The following CRTAC1 variants were observed in gnomAD, a reference collection of about 807,000 sequenced individuals.
CRTAC1 encodes cartilage acidic protein 1, also known as acidic secreted protein in cartilage.
A neutral mutation model predicts 67.8 loss-of-function variants in CRTAC1; 37 were observed. The observed-to-expected ratio is 0.55, with a 90% CI of 0.42 to 0.72. The LOEUF is 0.72. Ranked by LOEUF, CRTAC1 falls within the 30% of genes least tolerant of loss-of-function variation. The pLI is 0.00. For synonymous variants in CRTAC1, 348 were observed against 371.0 expected (o/e 0.94, Z 0.71); for missense variants, 780 against 931.6 (o/e 0.84, Z 2.12).
chr10:97,908,016 C>G lies in CRTAC1; in HGVS notation c.847G>C (p.Ala283Pro). The change falls in exon 6 of 15, where the codon GCT becomes CCT. Residue 283 changes from alanine to proline, a missense_variant. Coordinates refer to ENST00000370597, the MANE Select transcript of CRTAC1 (RefSeq NM_018058.7). ...GGGCATGGCTGCCTCCACTCACCAG[C>G]ACTGGCCGCAGCGTCCACAAAGGTG... ...DGTFVDAAAS[A>P]GVDDPHQHGR... The G allele has an allele frequency of 6.2e-7, 1 of 1,614,090 alleles. No individual in the cohort carries two copies. Among genetic ancestry groups the G allele is most frequent in the South Asian group, 1.1e-5 (1 of 91,068 alleles).
rs2136556770 is a variant in CRTAC1, at chr10:97,895,376, G to A, written c.1355C>T (p.Thr452Ile). The A allele has an allele frequency of 6.2e-7, 1 of 1,612,536 alleles. No individual in the cohort carries two copies. The highest frequency in any genetic ancestry group is 8.5e-7 in the Non-Finnish European group (1 of 1,179,440). ...NNNWLRVVPR[T>I]RFGAFARGAK... ...TCCCCTGGCAAAGGCCCCAAACCGG[G>A]TGCGTGGCACCACTCGCAGCCAGTT... The change falls in exon 11 of 15, where the codon ACC (threonine) becomes ATC (isoleucine). Residue 452 changes from threonine (T) to isoleucine (I), a missense_variant. Coordinates refer to ENST00000370597, the MANE Select transcript of CRTAC1 (RefSeq NM_018058.7). This position sits in a 1 kb window ranked among gnomAD's most constrained non-coding sequence, Gnocchi z 4.2.
chr10:98,011,531 T>C (rs1201054820), intron 1 of CRTAC1, among the ~76,000 whole-genome samples, 194 bp from the exon 2 acceptor site: 1 of 143,438 alleles, frequency 7.0e-6, no homozygotes, highest in Non-Finnish European at 1.5e-5. Flanking sequence ...AACTGCAACC[T>C]GACTCCATCA....
intron 7 of CRTAC1, among the ~76,000 whole-genome samples, chr10:97,902,580 G>A (rs2050556842): frequency 6.6e-6 from 1 of 152,156 alleles, no homozygotes; most frequent in Admixed American, 6.5e-5. Flanking sequence ...AATAGAAGGA[G>A]AGCTGGGAAG....
At chr10:97,953,363 CT>C (rs2051390873) in intron 2 of CRTAC1, among the ~76,000 whole-genome samples, 2 of 152,112 alleles carry the variant, frequency 1.3e-5, no homozygotes, top group Admixed American at 1.3e-4. Flanking sequence ...CAGCCAGTAT[CT>C]TTTGAAATTC....
chr10:97,888,331 T>C (rs1360973964), intron 11 of CRTAC1, among the ~76,000 whole-genome samples: 1 of 151,980 alleles, frequency 6.6e-6, no homozygotes. Context: ...GAGTAAGAGT[T>C]TGTGAGGCGG....
At chr10:97,883,957 T>G (rs2050247213) in intron 12 of CRTAC1, among the ~76,000 whole-genome samples, 1 of 152,224 alleles carries the variant, frequency 6.6e-6, no homozygotes, top group Non-Finnish European at 1.5e-5. Flanking sequence ...GTTTTCTTCC[T>G]CTGTAAAATG....
In CRTAC1 at chr10:97,950,260, G is replaced by A. The variant is rs1398206435; in HGVS notation, c.225-13894C>T. On this transcript the variant is annotated intron_variant, in intron 2 of 14. Transcript: ENST00000370597. ...ACACACACACACAGAGAGAGAGAGA[G>A]AGAGAGAGAGAGAGAGAGAGAGAGA... Among the ~76,000 whole-genome samples, 5 of 151,074 alleles carry A rather than the reference G, an allele frequency of 3.3e-5. No homozygotes were observed. In the East Asian group the frequency reaches 7.8e-4, roughly 23 times the overall value.
At chr10:97,959,719 C>T (rs2051494750) in intron 2 of CRTAC1, among the ~76,000 whole-genome samples, 1 of 152,232 alleles carries the variant, frequency 6.6e-6, no homozygotes. Flanking sequence ...GTCCAGCCCA[C>T]TGCCACTGGA....
At chr10:98,021,528 C>T (rs544232442) in intron 1 of CRTAC1, among the ~76,000 whole-genome samples, 1 of 152,332 alleles carries the variant, frequency 6.6e-6, no homozygotes, top group African/African-American at 2.4e-5. Context: ...GTACTATTAA[C>T]TGCTCAGACT....
At chr10:97,882,328 C>T (rs748312987) in intron 13 of CRTAC1, among the ~76,000 whole-genome samples, 1 of 152,204 alleles carries the variant, frequency 6.6e-6, no homozygotes, top group Non-Finnish European at 1.5e-5. Context: ...TACCTGCCTG[C>T]CCCAGTACTG....
Position 97,884,269 on chromosome 10 carries a change from G to A in CRTAC1, c.1569C>T (p.Asn523=). 3 of 1,562,078 alleles carry A rather than the reference G, an allele frequency of 1.9e-6. No individual in the cohort carries two copies. Among genetic ancestry groups the A allele is most frequent in the Non-Finnish European group, 2.6e-6 (3 of 1,152,238 alleles). Residue 523 remains asparagine (N), a synonymous_variant, in exon 12 of 15, where the codon AAC becomes AAT. Coordinates refer to ENST00000370597, the MANE Select transcript of CRTAC1 (RefSeq NM_018058.7). ...VSRNVASGEM[N]SVLEILYPRD... ...GGGGGTAGAGGATCTCCAGCACTGA[G>A]TTCATCTCCCCGCTGGCCACGTTCC...
chr10:97,981,362 T>C (rs1455976013), intron 2 of CRTAC1, among the ~76,000 whole-genome samples: 1 of 152,228 alleles, frequency 6.6e-6, no homozygotes, highest in Non-Finnish European at 1.5e-5. Flanking sequence ...AATATTTAAA[T>C]GTTTTGCAAA....
chr10:98,026,642 C>T (rs539845117), intron 1 of CRTAC1, among the ~76,000 whole-genome samples: 1 of 152,148 alleles, frequency 6.6e-6, no homozygotes, highest in African/African-American at 2.4e-5. Flanking sequence ...TCCCTCCTCC[C>T]GCTGAAGATG....
chr10:97,908,610 A>G (rs531958529), intron 5 of CRTAC1, among the ~76,000 whole-genome samples: 1 of 152,354 alleles, frequency 6.6e-6, no homozygotes, highest in South Asian at 2.1e-4. Context: ...GATAGGTCCC[A>G]GCTATAGGTA....
At position 98,001,924 on chromosome 10, in the gene CRTAC1, C is replaced by T. The variant is rs184381031; in HGVS notation, c.224+9214G>A. On this transcript the variant is annotated intron_variant, in intron 2 of 14. Transcript: ENST00000370597. ...TGAAGAAAAACACAGGATGGGGAGG[C>T]TGGCGTCAGATCCGCCCCCTGGAGC... 3.5e-3 allele frequency among the ~76,000 whole-genome samples: 534 copies of T among 152,324 alleles called. 3 individuals are homozygous for T. Among genetic ancestry groups the T allele is most frequent in the African/African-American group, 0.013 (523 of 41,570 alleles).
chr10:97,890,506 G>A (rs982941062), intron 11 of CRTAC1, among the ~76,000 whole-genome samples: 1 of 152,294 alleles, frequency 6.6e-6, no homozygotes, highest in East Asian at 1.9e-4. Flanking sequence ...ATATGTGTCT[G>A]TAAGTGTGTT....
At chr10:98,023,688 A>G (rs1333396984) in intron 1 of CRTAC1, among the ~76,000 whole-genome samples, 1 of 152,232 alleles carries the variant, frequency 6.6e-6, no homozygotes, top group Non-Finnish European at 1.5e-5. Flanking sequence ...GGTGACGGAA[A>G]GAGCCTGCCA....
intron 5 of CRTAC1, among the ~76,000 whole-genome samples, chr10:97,908,704 A>C (rs908226596): frequency 1.3e-5 from 2 of 152,256 alleles, no homozygotes; most frequent in African/African-American, 4.8e-5. Context: ...TGGAGCATCC[A>C]TATGACAAAC....
rs2051446917 is a variant in CRTAC1, at chr10:97,956,649, C to T, written c.225-20283G>A. On this transcript the variant is annotated intron_variant, in intron 2 of 14. Coordinates refer to ENST00000370597, the MANE Select transcript of CRTAC1 (RefSeq NM_018058.7). ...GAAAAAAAGTATCTTTGGGCTGATCCTCTTCTAAATCACTGAAATCTACAA... is the reference window on the plus strand; with the variant it reads ...GAAAAAAAGTATCTTTGGGCTGATCTTCTTCTAAATCACTGAAATCTACAA... Among the ~76,000 whole-genome samples the T allele has an allele frequency of 2.1e-5, 3 of 146,028 alleles. 1 individual carries two copies. The highest frequency in any genetic ancestry group is 4.7e-5 in the Non-Finnish European group (3 of 63,888).
Sources: allele counts gnomAD v4.1 joint callset (sites outside exome capture counted in the v4.1 genomes callset), GRCh38; gene constraint gnomAD v4.1.1; non-coding constraint Gnocchi (gnomAD v3.1); transcripts MANE v1.5; gene names NCBI Gene and HGNC (gene_info 2026-07-23, HGNC 2026-07-21).